The following RBM41 variants were observed in gnomAD, a reference collection of about 807,000 sequenced individuals.
The protein encoded by RBM41 is RNA-binding protein 41.
In RBM41, 14 loss-of-function variants were observed where a neutral mutation model predicts 30.8. The ratio of observed to expected loss-of-function variants is 0.45; its 90% confidence interval spans 0.30 to 0.71. RBM41 has a LOEUF of 0.71. Ranked by LOEUF, RBM41 falls within the 30% of genes least tolerant of loss-of-function variation. The pLI is 0.08. For synonymous variants in RBM41, 120 were observed against 110.1 expected, an observed-to-expected ratio of 1.09 and a Z score of -0.56; for missense variants, 276 against 326.3, an observed-to-expected ratio of 0.85 and a Z score of 1.19.
Position 107,065,543 on chromosome X carries a change from T to C in RBM41, c.*1984A>G. On this transcript the variant is annotated 3_prime_UTR_variant, in exon 8 of 8. Transcript: ENST00000685964. ...ATTATTGTTATATATGTTATTCCTA[T>C]ACATTACAAACCCAACACACATTAT... The C allele has an allele frequency of 9.5e-6, 3 of 317,227 alleles. No individual in the cohort carries two copies. The highest frequency in any genetic ancestry group is 1.1e-5 in the Non-Finnish European group (2 of 184,764). The allele number at this position is 317,227 out of a possible 1,213,427, so 26.1% of individuals were successfully genotyped here.
chrX:107,115,782 C>T, intron 3 of RBM41, 80 bp downstream of exon 3: 2 of 1,061,571 alleles, frequency 1.9e-6, no homozygotes. Flanking sequence ...AATGAAAAGG[C>T]TCTCAGTGCT....
downstream of RBM41, among the ~76,000 whole-genome samples, chrX:107,057,951 T>TA (rs1421164629): frequency 9.0e-6 from 1 of 111,443 alleles, no homozygotes; most frequent in African/African-American, 3.3e-5. Context: ...TGCCAACAAA[T>TA]ACATGAAGAA....
intron 5 of RBM41, among the ~76,000 whole-genome samples, chrX:107,105,122 C>T (rs1366149131): frequency 7.2e-5 from 8 of 111,348 alleles, no homozygotes; most frequent in South Asian, 3.8e-4. Context: ...GAAAACCCCA[C>T]CGTCTCAGCC....
chrX:107,075,483 A>C (rs1936196113), intron 6 of RBM41, among the ~76,000 whole-genome samples: 2 of 112,171 alleles, frequency 1.8e-5, no homozygotes, highest in African/African-American at 6.5e-5. Context: ...GGAGTAACAG[A>C]AAATATTTGC....
At chrX:107,060,342 A>T (rs1935620854), downstream of RBM41, among the ~76,000 whole-genome samples, 1 of 110,121 alleles carries the variant, frequency 9.1e-6, no homozygotes, top group Non-Finnish European at 1.9e-5. Flanking sequence ...GATCAATGTG[A>T]TAGTATTAAG....
Position 107,067,361 on chromosome X carries a change from G to T in RBM41, c.*166C>A. 1 of 1,067,245 alleles carries T rather than the reference G, an allele frequency of 9.4e-7. No individual in the cohort carries two copies. The highest frequency in any genetic ancestry group is 1.2e-6 in the Non-Finnish European group (1 of 825,751). 88.0% of individuals were successfully genotyped at this position (1,067,245 alleles called of 1,213,427 possible). A position where few individuals can be genotyped will look rare whatever the true frequency, so the allele number is the denominator to read the frequency against. Reference sequence around the variant, plus strand: ...CTATATAGTCTTCAATTATATAATAGAAAATGTTTTCTACCAGTTCTCTCC... The same window carrying T: ...CTATATAGTCTTCAATTATATAATATAAAATGTTTTCTACCAGTTCTCTCC... On this transcript the variant is annotated 3_prime_UTR_variant, in exon 8 of 8. Coordinates refer to ENST00000685964, the MANE Select transcript of RBM41 (RefSeq NM_001324242.2).
At chrX:107,069,447 A>G (rs752059615) in intron 6 of RBM41, 45 bp from the exon 7 acceptor site, 2 of 1,135,149 alleles carry the variant, frequency 1.8e-6, no homozygotes, top group Middle Eastern at 6.3e-4. Context: ...TAAAGGAGGT[A>G]AGGCACTCTT....
chrX:107,053,142 G>T, the RBM41 span, among the ~76,000 whole-genome samples: 1 of 99,318 alleles, frequency 1.0e-5, no homozygotes, highest in African/African-American at 3.7e-5. Context: ...TACCTAGTCT[G>T]CCTAGCACTC....
chrX:107,081,001 T>C (rs1921473580), intron 6 of RBM41, among the ~76,000 whole-genome samples: 1 of 111,939 alleles, frequency 8.9e-6, no homozygotes, highest in South Asian at 3.7e-4. Context: ...GTTTTTCATA[T>C]AGCAGAAGTT....
intron 5 of RBM41, among the ~76,000 whole-genome samples, chrX:107,106,297 T>C (rs1238326250): frequency 9.0e-6 from 1 of 111,600 alleles, no homozygotes; most frequent in East Asian, 2.8e-4. Flanking sequence ...ATCAGAGAAA[T>C]GCAAATCAAA....
chrX:107,088,559 A>G lies in RBM41; in HGVS notation c.876T>C (p.Pro292=). 8.3e-7 allele frequency: 1 copy of G among 1,211,453 alleles called. No homozygotes were observed. The highest frequency in any genetic ancestry group is 1.8e-5 in the South Asian group (1 of 56,929). The change falls in exon 6 of 8, where the codon CCT becomes CCC. Residue 292 remains proline (P), a synonymous_variant. Transcript: ENST00000685964. ...DFSPEQCWTG[P]KKLTQPIEFV... ...ATTCTATTGGCTGCGTCAGCTTCTT[A>G]GGCCCAGTCCAACACTGCTCAGGTG...
Position 107,062,012 on chromosome X carries a change from G to A in RBM41, c.*5515C>T, listed in dbSNP as rs771056757. Among the ~76,000 whole-genome samples, 37 of 111,878 alleles carry A rather than the reference G, an allele frequency of 3.3e-4. No homozygotes were observed. Among genetic ancestry groups the A allele is most frequent in the African/African-American group, 8.4e-4 (26 of 30,821 alleles). On this transcript the variant is annotated 3_prime_UTR_variant, in exon 8 of 8. Transcript: ENST00000685964. ...ACTTATGTAACTACAATAAAGACAC[G>A]GAAAATTTCAATTATTAAGACAAAT...
chrX:107,117,062 C>T (rs1924938737), intron 1 of RBM41, among the ~76,000 whole-genome samples: 1 of 111,684 alleles, frequency 9.0e-6, no homozygotes, highest in Admixed American at 9.5e-5. Context: ...TGTGCATGTG[C>T]CTTGGCAGCG....
chrX:107,065,567 AT>A lies in RBM41; in HGVS notation c.*1959del. ...ATACATTACAAACCCAACACACATT[AT>A]TATAATTACTTAATATAATTTTACA... On this transcript the variant is annotated 3_prime_UTR_variant, in exon 8 of 8. Coordinates refer to ENST00000685964, the MANE Select transcript of RBM41 (RefSeq NM_001324242.2). 2.8e-6 allele frequency: 1 copy of A among 354,458 alleles called. No individual in the cohort carries two copies. Among genetic ancestry groups the A allele is most frequent in the African/African-American group, 2.6e-5 (1 of 38,295 alleles). The allele number at this position is 354,458 out of a possible 1,213,427, so 29.2% of individuals were successfully genotyped here.
intron 4 of RBM41, chrX:107,115,139 G>T: frequency 2.3e-6 from 1 of 428,070 alleles, no homozygotes; most frequent in Non-Finnish European, 4.0e-6. Flanking sequence ...CACTACCTCA[G>T]CATTTTATTC....
chrX:107,111,024 T>C (rs1032686021), intron 5 of RBM41, among the ~76,000 whole-genome samples: 1 of 110,852 alleles, frequency 9.0e-6, no homozygotes, highest in South Asian at 3.8e-4. Context: ...ACCAAAAGCA[T>C]AGACAACAAA....
chrX:107,067,648 T>C lies in RBM41; in HGVS notation c.1193A>G (p.Lys398Arg), dbSNP rs1935895869. 8.3e-7 allele frequency: 1 copy of C among 1,209,481 alleles called. No homozygotes were observed. The highest frequency in any genetic ancestry group is 1.7e-5 in the African/African-American group (1 of 57,816). ...WQALHLVNGY[K>R]LHGKILVIEF... is the part of the protein sequence containing the mutation. ...TATCACCAATATTTTCCCATGTAGT[T>C]TGTATCCATTTACTAGATGCAATGC... The change falls in exon 8 of 8, where the codon AAA becomes AGA. Residue 398 changes from lysine (K) to arginine (R), a missense_variant. Physicochemically the swap from Lys to Arg is conservative, Grantham distance 26 (BLOSUM62 2). Transcript: ENST00000685964.
At chrX:107,060,274 C>T (rs1325025703), downstream of RBM41, among the ~76,000 whole-genome samples, 1 of 109,839 alleles carries the variant, frequency 9.1e-6, no homozygotes, top group Non-Finnish European at 1.9e-5. Context: ...AAGAAAATCA[C>T]TGCTGCTGTC....
At position 107,113,698 on chromosome X, in the gene RBM41, T is replaced by TG. The variant is rs201698661; in HGVS notation, c.524-231dup. Among the ~76,000 whole-genome samples the TG allele has an allele frequency of 2.9e-4, 32 of 112,046 alleles. No homozygotes were observed. In the East Asian group the frequency reaches 9.0e-3, roughly 31 times the overall value. On this transcript the variant is annotated intron_variant, in intron 4 of 7. Transcript: ENST00000685964. The stretch of plus-strand genomic sequence containing the variant: ...GCCTAGCATCTCATAGCTAGTTAAG[T>TG]GGGGGAGCCAGGATTTTCCCAGGCA...
Sources: gnomAD v4.1 joint callset for allele counts (sites outside exome capture counted in the v4.1 genomes callset) on GRCh38, gnomAD v4.1.1 for gene constraint, MANE v1.5 for transcripts, NCBI Gene and HGNC (gene_info 2026-07-23, HGNC 2026-07-21) for gene names.